ZNF286A: variants seen among roughly 807,000 people sequenced by gnomAD.
ZNF286A encodes the protein zinc finger protein 286A.
ZNF286A carries 34 observed loss-of-function variants against 49.3 expected under a neutral mutation model. The observed-to-expected ratio is 0.69, with a 90% CI of 0.52 to 0.92. The LOEUF is 0.92. ZNF286A is among the 40% of genes least tolerant of loss of function. The pLI is 0.00. For missense variants in ZNF286A, 462 were observed against 600.2 expected, an observed-to-expected ratio of 0.77 and a Z score of 2.41; for synonymous variants, 155 against 200.4, an observed-to-expected ratio of 0.77 and a Z score of 1.91.
At chr17:15,704,924 T>C (rs966464270) in intron 3 of ZNF286A, 1 of 1,562,592 alleles carries the variant, frequency 6.4e-7, no homozygotes. Flanking sequence ...CGGGGGCGGG[T>C]CCCCCCGGCC....
chr17:15,708,170 A>G lies in ZNF286A; in HGVS notation c.257A>G (p.Lys86Arg), dbSNP rs1182606288. ...AAATGAATAGGGCTTCCAGTTTCCA[A>G]ACCTGAGAGCTACAACTTGGAGAAT... ...NLVSLWLPVS[K>R]PESYNLENGK... Residue 86 changes from lysine (K) to arginine (R), a missense_variant, in exon 5 of 6, where the codon AAA (lysine) becomes AGA (arginine). By Grantham distance (26) the Lys-to-Arg change is conservative. This residue lies in a region of ZNF286A where 259 missense variants were observed against 272.2 expected (regional missense o/e 0.95). Coordinates refer to ENST00000583566, the MANE Select transcript of ZNF286A (RefSeq NM_001130842.2). 4 of 1,585,224 alleles carry G rather than the reference A, an allele frequency of 2.5e-6. No homozygotes were observed. The South Asian group carries it at 3.5e-5, about 14-fold the overall frequency.
Position 15,707,297 on chromosome 17 carries a change from G to A in ZNF286A, c.241+796G>A, listed in dbSNP as rs563443047. 7.9e-5 allele frequency among the ~76,000 whole-genome samples: 12 copies of A among 152,100 alleles called. No individual in the cohort carries two copies. The East Asian group carries it at 2.3e-3, about 29-fold the overall frequency. On this transcript the variant is annotated intron_variant, in intron 4 of 5. Transcript: ENST00000583566. ...CTACTAAAAACACAAAAAATTAGCCGGGTGCGGTGGCGGGCGCCTGTAGTC... is the reference window on the plus strand; with the variant it reads ...CTACTAAAAACACAAAAAATTAGCCAGGTGCGGTGGCGGGCGCCTGTAGTC...
rs1421415181 is a variant in ZNF286A at position 15,716,339 on chromosome 17, C to A, written c.615C>A (p.Ile205=). The A allele has an allele frequency of 6.2e-7, 1 of 1,613,754 alleles. No homozygotes were observed. The highest frequency in any genetic ancestry group is 8.5e-7 in the Non-Finnish European group (1 of 1,179,852). The change falls in exon 6 of 6, where the codon ATC becomes ATA. Residue 205 remains isoleucine (I), a synonymous_variant. Transcript: ENST00000583566. ...GCTTCAATCAGAAATCTGTCCTTAT[C>A]ACTGAAGACAGAGTTCCCAAAGGAT... is the stretch of plus-strand genomic sequence containing the variant. ...WKSFNQKSVL[I]TEDRVPKGSY...
At chr17:15,702,241 A>G (rs1196565818) in intron 3 of ZNF286A, among the ~76,000 whole-genome samples, 1 of 151,528 alleles carries the variant, frequency 6.6e-6, no homozygotes. Context: ...AGGGCTGGGC[A>G]CGGTGGCTCA....
intron 4 of ZNF286A, among the ~76,000 whole-genome samples, chr17:15,706,792 T>A (rs1363120856): frequency 3.9e-5 from 6 of 152,208 alleles, no homozygotes; most frequent in Admixed American, 3.9e-4. Flanking sequence ...ATTTCCTTTA[T>A]TCATTGATTT....
At position 15,716,689 on chromosome 17, in the gene ZNF286A, G is replaced by A. The variant is rs1967076725; in HGVS notation, c.965G>A (p.Gly322Glu). 1.9e-6 allele frequency: 3 copies of A among 1,613,830 alleles called. No homozygotes were observed. The African/African-American group carries it at 4.0e-5, about 22-fold the overall frequency. ...SLATHQRIHV[G>E]ERPYECNECG... The stretch of plus-strand genomic sequence containing the variant: ...GCAACACATCAGAGAATTCACGTTG[G>A]AGAGAGACCTTATGAATGCAATGAA... Residue 322 changes from glycine (G) to glutamate (E), a missense_variant, in exon 6 of 6, where the codon GGA (glycine) becomes GAA (glutamate). Physicochemically the swap from Gly to Glu is moderately conservative, Grantham distance 98. Around this residue, in one of 3 missense-constraint regions of ZNF286A, gnomAD observed 201 missense variants for 311.3 expected, o/e 0.65. Transcript: ENST00000583566.
At chr17:15,702,874 TA>T (rs1414573631) in intron 3 of ZNF286A, among the ~76,000 whole-genome samples, 3 of 152,274 alleles carry the variant, frequency 2.0e-5, no homozygotes, top group Non-Finnish European at 2.9e-5. Context: ...TGTTAAAACC[TA>T]ATTCTTCATT....
chr17:15,704,055 T>C (rs1302714458), intron 3 of ZNF286A, among the ~76,000 whole-genome samples: 2 of 104,880 alleles, frequency 1.9e-5, no homozygotes, highest in Admixed American at 9.5e-5. Flanking sequence ...AATTCTCTTA[T>C]TATTATTATT....
In ZNF286A at chr17:15,719,602, G is replaced by T. The variant is rs1288250636; in HGVS notation, c.*2312G>T. ...TCTGGTATCTTCAGCCCCTTATAAG[G>T]GCACTAATCCCATTCATGAGAGCTC... On this transcript the variant is annotated 3_prime_UTR_variant, in exon 6 of 6. Transcript: ENST00000583566. The T allele has an allele frequency of 2.0e-5, 3 of 152,028 alleles. No individual in the cohort carries two copies. The highest frequency in any genetic ancestry group is 7.2e-5 in the African/African-American group (3 of 41,398). The allele number at this position is 152,028 out of a possible 1,614,324, so 9.4% of individuals were successfully genotyped here.
chr17:15,717,600 C>G lies in ZNF286A; in HGVS notation c.*310C>G. 3.1e-6 allele frequency: 1 copy of G among 325,154 alleles called. No individual in the cohort carries two copies. Among genetic ancestry groups the G allele is most frequent in the Non-Finnish European group, 5.6e-6 (1 of 179,110 alleles). 20.1% of individuals were successfully genotyped at this position (325,154 alleles called of 1,614,324 possible). On this transcript the variant is annotated 3_prime_UTR_variant, in exon 6 of 6. Coordinates refer to ENST00000583566, the MANE Select transcript of ZNF286A (RefSeq NM_001130842.2). The stretch of plus-strand genomic sequence containing the variant: ...ATTGTGAAATCCAGTTTTCCCCTCT[C>G]TTGTTTATGTCAGAGCTTTGTTGTA...
At chr17:15,713,354 G>A (rs1966877012) in intron 5 of ZNF286A, among the ~76,000 whole-genome samples, 1 of 152,134 alleles carries the variant, frequency 6.6e-6, no homozygotes, top group South Asian at 2.1e-4. Context: ...TTACACTTTT[G>A]CCAATCTCTT....
intron 3 of ZNF286A, chr17:15,705,044 C>A (rs1218467200): frequency 8.7e-6 from 4 of 459,888 alleles, no homozygotes; most frequent in Non-Finnish European, 1.4e-5. Context: ...CCTCTGACGT[C>A]CGCCGCGCAC....
chr17:15,715,308 A>G (rs539596532), intron 5 of ZNF286A, among the ~76,000 whole-genome samples: 1 of 150,412 alleles, frequency 6.6e-6, no homozygotes, highest in South Asian at 2.1e-4. Flanking sequence ...GCTTATTTAT[A>G]GCTTGCTTTT....
At chr17:15,699,966 G>A (rs1417256339) in intron 1 of ZNF286A, 169 bp from the exon 2 acceptor site, 2 of 619,014 alleles carry the variant, frequency 3.2e-6, no homozygotes, top group Non-Finnish European at 5.8e-6. Context: ...CACGGGCGGG[G>A]TGGTCGCGGG....
Position 15,719,364 on chromosome 17 carries a change from T to A in ZNF286A, c.*2074T>A, listed in dbSNP as rs1223312521. Reference sequence around the variant, plus strand: ...TCCTTGACTGCCTTTGTGTCCAGTGTCAGAACTGAGTAGCTGCAGCGGAGG... The same window carrying A: ...TCCTTGACTGCCTTTGTGTCCAGTGACAGAACTGAGTAGCTGCAGCGGAGG... On this transcript the variant is annotated 3_prime_UTR_variant, in exon 6 of 6. Transcript: ENST00000583566. 2.1e-5 allele frequency: 3 copies of A among 143,416 alleles called. No homozygotes were observed. Among genetic ancestry groups the A allele is most frequent in the Admixed American group, 7.0e-5 (1 of 14,322 alleles). 8.9% of individuals were successfully genotyped at this position (143,416 alleles called of 1,614,324 possible).
chr17:15,702,367 T>C (rs1388965794), intron 3 of ZNF286A, among the ~76,000 whole-genome samples: 2 of 151,858 alleles, frequency 1.3e-5, no homozygotes, highest in Non-Finnish European at 1.5e-5. Flanking sequence ...ATACAAAAAT[T>C]AGCTGGGCTT....
At chr17:15,714,053 G>A (rs949518097) in intron 5 of ZNF286A, among the ~76,000 whole-genome samples, 5 of 151,884 alleles carry the variant, frequency 3.3e-5, no homozygotes, top group Non-Finnish European at 7.4e-5. Context: ...TTGTTCTTTG[G>A]TATAAACAGA....
chr17:15,711,867 C>CG (rs1452437719), intron 5 of ZNF286A, among the ~76,000 whole-genome samples: 6 of 100,668 alleles, frequency 6.0e-5, no homozygotes, highest in South Asian at 4.0e-4. Flanking sequence ...TCTGCCCCCC[C>CG]CCCGGCTTTT....
intron 5 of ZNF286A, chr17:15,708,523 GA>G (rs1375422749): frequency 3.0e-5 from 8 of 268,094 alleles, no homozygotes; most frequent in African/African-American, 1.8e-4. Flanking sequence ...ACAGTTGGAT[GA>G]ATTTTCACTA....
Sources: allele counts gnomAD v4.1 joint callset (sites outside exome capture counted in the v4.1 genomes callset), GRCh38; gene constraint gnomAD v4.1.1; regional missense constraint gnomAD v4.1.1; transcripts MANE v1.5; gene names NCBI Gene and HGNC (gene_info 2026-07-23, HGNC 2026-07-21).